The following ADAMTSL1 variants were observed in gnomAD, a reference collection of about 807,000 sequenced individuals.
The protein encoded by ADAMTSL1 is ADAMTS like 1.
ADAMTSL1 carries 126 observed loss-of-function variants against 201.8 expected under a neutral mutation model. That is an observed-to-expected ratio of 0.62 (90% confidence interval 0.54 to 0.72). ADAMTSL1 has a LOEUF of 0.72. ADAMTSL1 is among the 30% of genes least tolerant of loss of function. The pLI is 0.00. For missense variants in ADAMTSL1, 2,679 were observed against 2,277.8 expected (o/e 1.18, Z -3.59); for synonymous variants, 1,121 against 903.4 (o/e 1.24, Z -4.32).
At chr9:18,535,816 G>A (rs1819734341) in intron 3 of ADAMTSL1, among the ~76,000 whole-genome samples, 1 of 152,178 alleles carries the variant, frequency 6.6e-6, no homozygotes, top group South Asian at 2.1e-4. Context: ...CAGATCTTGT[G>A]AGAACTTACT....
rs78087284 is a variant in ADAMTSL1 at position 18,491,199 on chromosome 9, A to G, written c.64-13630A>G. 9.6e-3 allele frequency among the ~76,000 whole-genome samples: 1,456 copies of G among 152,274 alleles called. 23 individuals carry two copies. Among genetic ancestry groups the G allele is most frequent in the African/African-American group, 0.033 (1,376 of 41,550 alleles). ...TTTAGCACCTTCACTTTCTCTGCTTATTACAAAACAGGCTTTAAAAAAGAT... is the reference window on the plus strand; with the variant it reads ...TTTAGCACCTTCACTTTCTCTGCTTGTTACAAAACAGGCTTTAAAAAAGAT... On this transcript the variant is annotated intron_variant, in intron 1 of 28. Coordinates refer to ENST00000380548, the MANE Select transcript of ADAMTSL1 (RefSeq NM_001040272.6).
chr9:18,744,546 A>G (rs544216291), intron 15 of ADAMTSL1, among the ~76,000 whole-genome samples: 1 of 152,228 alleles, frequency 6.6e-6, no homozygotes, highest in Non-Finnish European at 1.5e-5. Flanking sequence ...TGCAGTAATA[A>G]AAGTTCATAT....
intron 17 of ADAMTSL1, among the ~76,000 whole-genome samples, chr9:18,773,794 C>T (rs7031178): frequency 0.015 from 2,218 of 152,316 alleles, 49 homozygotes; most frequent in South Asian, 0.093. Context: ...TTCTACTTAG[C>T]AGCCTTAAAA....
chr9:18,818,079 T>C (rs1458182603), intron 21 of ADAMTSL1, among the ~76,000 whole-genome samples: 8 of 152,188 alleles, frequency 5.3e-5, no homozygotes, highest in Admixed American at 4.6e-4. Context: ...AACACCTACA[T>C]ATAGCAGAAT....
At chr9:18,276,258 G>T (rs1167242892) in intron 2 of ADAMTSL1, among the ~76,000 whole-genome samples, 1 of 152,018 alleles carries the variant, frequency 6.6e-6, no homozygotes, top group Non-Finnish European at 1.5e-5. Flanking sequence ...TTCTTTGTCA[G>T]ATATATGTTT....
At chr9:17,949,098 G>C (rs113652178) in intron 1 of ADAMTSL1, among the ~76,000 whole-genome samples, 45 of 152,312 alleles carry the variant, frequency 3.0e-4, no homozygotes, top group African/African-American at 1.1e-3. Context: ...CAATGTTAAA[G>C]CATATATAGC....
intron 2 of ADAMTSL1, among the ~76,000 whole-genome samples, chr9:18,281,090 T>C (rs1162263748): frequency 6.6e-6 from 1 of 152,040 alleles, no homozygotes; most frequent in Non-Finnish European, 1.5e-5. Flanking sequence ...GGGAGACGCA[T>C]GAAGGGAGAA....
rs577085217 is a variant in ADAMTSL1, at chr9:18,420,524, G to A, written c.208-84305G>A. On this transcript the variant is annotated intron_variant, in intron 2 of 29. Coordinates refer to the ADAMTSL1 transcript ENST00000680146. ...GTGGATTTCTCCTTCCTCTAAGGCT[G>A]TCAGTACCTCCAAATATTGGGCATG... 2.6e-5 allele frequency among the ~76,000 whole-genome samples: 4 copies of A among 152,296 alleles called. No homozygotes were observed. In the South Asian group the frequency reaches 6.2e-4, roughly 24 times the overall value.
At chr9:17,918,302 T>G (rs1206615622) in intron 1 of ADAMTSL1, among the ~76,000 whole-genome samples, 1 of 151,414 alleles carries the variant, frequency 6.6e-6, no homozygotes, top group East Asian at 1.9e-4. Context: ...ATTCCCTAAG[T>G]TGTGCTTTAG....
At chr9:18,004,242 A>C (rs1357811913) in intron 1 of ADAMTSL1, among the ~76,000 whole-genome samples, 1 of 152,042 alleles carries the variant, frequency 6.6e-6, no homozygotes, top group Non-Finnish European at 1.5e-5. Flanking sequence ...TAAAGACCAG[A>C]AATGTTAAAC....
intron 2 of ADAMTSL1, among the ~76,000 whole-genome samples, chr9:18,404,943 C>G (rs1031648657): frequency 6.6e-5 from 10 of 152,268 alleles, no homozygotes; most frequent in African/African-American, 2.4e-4. Context: ...CTCTCTGTCT[C>G]TCCCTTTGCC....
intron 3 of ADAMTSL1, among the ~76,000 whole-genome samples, chr9:18,540,598 C>T (rs1444710005): frequency 6.6e-6 from 1 of 152,090 alleles, no homozygotes; most frequent in African/African-American, 2.4e-5. Flanking sequence ...TGCTGAAGAG[C>T]CTGAACTTAG....
intron 2 of ADAMTSL1, among the ~76,000 whole-genome samples, chr9:18,369,084 C>T (rs910620697): frequency 4.6e-5 from 7 of 152,146 alleles, no homozygotes; most frequent in African/African-American, 1.4e-4. Context: ...AGTATTGAAA[C>T]TGATCTATTA....
chr9:18,063,296 C>T (rs1822543277), intron 1 of ADAMTSL1, among the ~76,000 whole-genome samples: 1 of 152,218 alleles, frequency 6.6e-6, no homozygotes, highest in African/African-American at 2.4e-5. Flanking sequence ...TTGCAGTGAG[C>T]TATGCTCATG....
intron 15 of ADAMTSL1, among the ~76,000 whole-genome samples, chr9:18,740,848 CT>C (rs1285879578): frequency 6.6e-6 from 1 of 152,134 alleles, no homozygotes; most frequent in Non-Finnish European, 1.5e-5. Context: ...TGGAAGCATT[CT>C]TATACCTCAT....
chr9:17,941,537 T>C (rs1827237508), intron 1 of ADAMTSL1, among the ~76,000 whole-genome samples: 1 of 152,184 alleles, frequency 6.6e-6, no homozygotes, highest in African/African-American at 2.4e-5. Context: ...ATCTCCTGTG[T>C]AATACAGTCT....
At chr9:18,603,533 A>C (rs567071931) in intron 4 of ADAMTSL1, among the ~76,000 whole-genome samples, 1 of 152,316 alleles carries the variant, frequency 6.6e-6, no homozygotes, top group South Asian at 2.1e-4. Flanking sequence ...GAAAGAGGCC[A>C]TAGGACCAGC....
intron 2 of ADAMTSL1, among the ~76,000 whole-genome samples, chr9:18,238,858 A>G (rs911490631): frequency 6.6e-6 from 1 of 152,204 alleles, no homozygotes; most frequent in African/African-American, 2.4e-5. Flanking sequence ...TTACTCTCCT[A>G]GCACTTTTGA....
chr9:18,800,377 CAAAAAAAA>C (rs58346548), intron 20 of ADAMTSL1, among the ~76,000 whole-genome samples: 799 of 60,648 alleles, frequency 0.013, 11 homozygotes, highest in African/African-American at 0.037. Flanking sequence ...AACTCCATCT[CAAAAAAAA>C]AAAAAAAAAA....
Sources: allele counts gnomAD v4.1 joint callset (sites outside exome capture counted in the v4.1 genomes callset), GRCh38; gene constraint gnomAD v4.1.1; transcripts MANE v1.5; gene names NCBI Gene and HGNC (gene_info 2026-07-23, HGNC 2026-07-21).